Variants in SLC5A10 observed in about 807,000 individuals in gnomAD.
The protein encoded by SLC5A10 is sodium/mannose cotransporter SLC5A10.
In SLC5A10, 55 loss-of-function variants were observed where a neutral mutation model predicts 68.9. The observed-to-expected ratio is 0.80, with a 90% CI of 0.64 to 1.00. The LOEUF (loss-of-function observed/expected upper bound fraction) is 1.00, where lower values mean the gene tolerates loss of function less well. SLC5A10 is among the 50% of genes least tolerant of loss of function. The pLI is 0.00. For synonymous variants in SLC5A10, 344 were observed against 344.8 expected, an observed-to-expected ratio of 1.00 and a Z score of 0.02; for missense variants, 732 against 819.3, an observed-to-expected ratio of 0.89 and a Z score of 1.30.
chr17:19,017,529 T>G lies in SLC5A10; in HGVS notation c.1242-1894T>G. The G allele has an allele frequency of 1.2e-6, 1 of 802,436 alleles. No individual in the cohort carries two copies. Among genetic ancestry groups the G allele is most frequent in the Non-Finnish European group, 2.0e-6 (1 of 499,486 alleles). The allele number at this position is 802,436 out of a possible 1,614,324, so 49.7% of individuals were successfully genotyped here. A position where few individuals can be genotyped will look rare whatever the true frequency, so the allele number is the denominator to read the frequency against. Reference sequence around the variant, plus strand: ...GTACCATGCCGGTGACCCTGATGGCTCTGTCCAGCTGAGCAGAGGCTGGAG... The same window carrying G: ...GTACCATGCCGGTGACCCTGATGGCGCTGTCCAGCTGAGCAGAGGCTGGAG... On this transcript the variant is annotated intron_variant, in intron 11 of 14. Coordinates refer to ENST00000395645, the MANE Select transcript of SLC5A10 (RefSeq NM_001042450.4). This position sits in a 1 kb window ranked among gnomAD's most constrained non-coding sequence, Gnocchi z 5.6.
At chr17:18,980,233 C>T (rs1050696673) in intron 9 of SLC5A10, among the ~76,000 whole-genome samples, 1 of 152,166 alleles carries the variant, frequency 6.6e-6, no homozygotes, top group Admixed American at 6.5e-5. Flanking sequence ...CTCTGCTGGG[C>T]TCTGCTCCGA....
At chr17:18,956,134 C>A (rs191947069) in intron 1 of SLC5A10, among the ~76,000 whole-genome samples, 6 of 151,974 alleles carry the variant, frequency 3.9e-5, no homozygotes, top group Middle Eastern at 3.4e-3. Flanking sequence ...GCAGAGGTTG[C>A]GGTGAGCCAA....
intron 9 of SLC5A10, chr17:18,979,338 T>G: frequency 1.6e-6 from 1 of 642,310 alleles, no homozygotes; most frequent in South Asian, 2.1e-5. Context: ...GCCGGTGACA[T>G]CTCCAAGCTG....
Position 18,958,734 on chromosome 17 carries a change from G to C in SLC5A10, c.164G>C (p.Arg55Pro). The C allele has an allele frequency of 6.2e-7, 1 of 1,614,184 alleles. No homozygotes were observed. Among genetic ancestry groups the C allele is most frequent in the East Asian group, 2.2e-5 (1 of 44,880 alleles). Residue 55 changes from arginine (R) to proline (P), a missense_variant, in exon 2 of 15, where the codon CGG becomes CCG. By Grantham distance (103) the Arg-to-Pro change is moderately radical. Transcript: ENST00000395645. Reference sequence around the variant, plus strand: ...GTGAATGGCTACTTCCTGGCAGGCCGGGACATGACGTGGTGGCCGGTGAGT... The same window carrying C: ...GTGAATGGCTACTTCCTGGCAGGCCCGGACATGACGTGGTGGCCGGTGAGT... ...NTVNGYFLAG[R>P]DMTWWPIGAS...
chr17:18,967,217 T>C (rs1316632131), intron 5 of SLC5A10, among the ~76,000 whole-genome samples: 1 of 152,204 alleles, frequency 6.6e-6, no homozygotes, highest in East Asian at 1.9e-4. Flanking sequence ...AAACGTTCAC[T>C]GGATGCCATG....
intron 9 of SLC5A10, among the ~76,000 whole-genome samples, chr17:18,985,139 T>C (rs1567796081): frequency 6.6e-6 from 1 of 152,178 alleles, no homozygotes; most frequent in Non-Finnish European, 1.5e-5. Flanking sequence ...AGACCAGAGC[T>C]GCGTCTCATG....
In SLC5A10 at chr17:19,000,866, C is replaced by T. The variant is rs563243949; in HGVS notation, c.983-12544C>T. Among the ~76,000 whole-genome samples the T allele has an allele frequency of 3.9e-5, 6 of 152,238 alleles. No individual in the cohort carries two copies. In the South Asian group the frequency reaches 6.2e-4, roughly 16 times the overall value. On this transcript the variant is annotated intron_variant, in intron 9 of 14. Coordinates refer to ENST00000395645, the MANE Select transcript of SLC5A10 (RefSeq NM_001042450.4). This position sits in a 1 kb window ranked among gnomAD's most constrained non-coding sequence, Gnocchi z 5.2. ...GCAGACAAAGCGCCCCGTCAGCATC[C>T]GTCAGTGTCCGGGCCCTGCCCCTGT...
chr17:18,997,330 T>C (rs530846504), intron 9 of SLC5A10, among the ~76,000 whole-genome samples: 3 of 152,320 alleles, frequency 2.0e-5, no homozygotes, highest in South Asian at 4.1e-4. Context: ...GGAAAGGCCA[T>C]GAGGTGACCA....
Position 19,003,605 on chromosome 17 carries a change from C to CGGGTCACGCCGCGGTAGGCGA in SLC5A10, c.983-9804_983-9784dup. The CGGGTCACGCCGCGGTAGGCGA allele has an allele frequency of 6.2e-7, 1 of 1,611,166 alleles. No homozygotes were observed. The highest frequency in any genetic ancestry group is 8.5e-7 in the Non-Finnish European group (1 of 1,178,896). ...GGGGGGCTGCATGTAGACGCTAGCCCGGGTCACGCCGCGGTAGGCGATGGT... is the reference window on the plus strand; with the variant it reads ...GGGGGGCTGCATGTAGACGCTAGCCCGGGTCACGCCGCGGTAGGCGAGGGTCACGCCGCGGTAGGCGATGGT... On this transcript the variant is annotated intron_variant, in intron 9 of 14. Coordinates refer to ENST00000395645, the MANE Select transcript of SLC5A10 (RefSeq NM_001042450.4). The surrounding 1 kb of genome is among the most constrained non-coding windows in gnomAD (Gnocchi z 4.5).
chr17:18,990,939 C>G (rs1315567788), intron 9 of SLC5A10, among the ~76,000 whole-genome samples: 2 of 152,330 alleles, frequency 1.3e-5, no homozygotes, highest in Middle Eastern at 3.4e-3. Flanking sequence ...AGGCTAGAAC[C>G]CAGGGCCCTG....
chr17:18,999,459 T>A (rs1425318742), intron 9 of SLC5A10, among the ~76,000 whole-genome samples: 1 of 152,004 alleles, frequency 6.6e-6, no homozygotes, highest in Non-Finnish European at 1.5e-5. Context: ...CCTCCAGATA[T>A]CAGTTCTGTG....
At position 19,003,605 on chromosome 17, in the gene SLC5A10, C is replaced by T. The variant is rs774593748; in HGVS notation, c.983-9805C>T. On this transcript the variant is annotated intron_variant, in intron 9 of 14. Coordinates refer to ENST00000395645, the MANE Select transcript of SLC5A10 (RefSeq NM_001042450.4). The surrounding 1 kb of genome is among the most constrained non-coding windows in gnomAD (Gnocchi z 4.5). Reference sequence around the variant, plus strand: ...GGGGGGCTGCATGTAGACGCTAGCCCGGGTCACGCCGCGGTAGGCGATGGT... The same window carrying T: ...GGGGGGCTGCATGTAGACGCTAGCCTGGGTCACGCCGCGGTAGGCGATGGT... 2 of 1,611,166 alleles carry T rather than the reference C, an allele frequency of 1.2e-6. No homozygotes were observed. The highest frequency in any genetic ancestry group is 1.7e-6 in the Non-Finnish European group (2 of 1,178,896).
upstream of SLC5A10, chr17:18,950,683 T>G: frequency 1.0e-6 from 1 of 985,516 alleles, no homozygotes; most frequent in Non-Finnish European, 1.2e-6. Flanking sequence ...TGCCTAGTCC[T>G]GTATGTGAGG....
chr17:18,967,176 G>A (rs1432913859), intron 5 of SLC5A10, among the ~76,000 whole-genome samples: 1 of 152,158 alleles, frequency 6.6e-6, no homozygotes, highest in Non-Finnish European at 1.5e-5. Context: ...GCAGGCAACC[G>A]CACACCTACT....
Position 19,019,786 on chromosome 17 carries a change from C to G in SLC5A10, c.1484C>G (p.Ala495Gly). 1 of 1,613,130 alleles carries G rather than the reference C, an allele frequency of 6.2e-7. No homozygotes were observed. The highest frequency in any genetic ancestry group is 8.5e-7 in the Non-Finnish European group (1 of 1,179,800). The change falls in exon 13 of 15, where the codon GCC becomes GGC. Residue 495 changes from alanine to glycine, a missense_variant. Coordinates refer to ENST00000395645, the MANE Select transcript of SLC5A10 (RefSeq NM_001042450.4). ...CTGGTCCTGGAATTCCTGAACCCAG[C>G]CCCACCGTGCGGAGAGCCAGACACG... ...TRLVLEFLNP[A>G]PPCGEPDTRP...
chr17:18,966,365 T>C (rs1316755666), intron 5 of SLC5A10, among the ~76,000 whole-genome samples: 1 of 152,100 alleles, frequency 6.6e-6, no homozygotes, highest in Non-Finnish European at 1.5e-5. Flanking sequence ...GGGATGCTGT[T>C]CCCTGGTGCA....
At position 18,958,758 on chromosome 17, in the gene SLC5A10, G is replaced by A. The variant is rs755660497; in HGVS notation, c.183+5G>A. 1 of 1,614,160 alleles carries A rather than the reference G, an allele frequency of 6.2e-7. No individual in the cohort carries two copies. On this transcript the variant is annotated splice_donor_5th_base_variant and intron_variant, in intron 2 of 14. Transcript: ENST00000395645. Reference sequence around the variant, plus strand: ...CGGGACATGACGTGGTGGCCGGTGAGTGCACCCTGACTTCTCACACACCCC... The same window carrying A: ...CGGGACATGACGTGGTGGCCGGTGAATGCACCCTGACTTCTCACACACCCC...
intron 9 of SLC5A10, among the ~76,000 whole-genome samples, chr17:19,012,864 G>A (rs892026832): frequency 3.3e-5 from 5 of 152,216 alleles, no homozygotes; most frequent in Non-Finnish European, 7.4e-5. Context: ...GGAGCAGGCA[G>A]GCCTCGCCAG....
intron 9 of SLC5A10, among the ~76,000 whole-genome samples, chr17:19,007,375 T>C (rs2043915864): frequency 6.6e-6 from 1 of 152,068 alleles, no homozygotes; most frequent in African/African-American, 2.4e-5. Flanking sequence ...GGATTGTCTA[T>C]TTTTTAACTC....
Sources: allele counts gnomAD v4.1 joint callset (sites outside exome capture counted in the v4.1 genomes callset), GRCh38; gene constraint gnomAD v4.1.1; non-coding constraint Gnocchi (gnomAD v3.1); transcripts MANE v1.5; gene names NCBI Gene and HGNC (gene_info 2026-07-23, HGNC 2026-07-21).